Variants in PDE1C observed in about 807,000 individuals in gnomAD.
The protein encoded by PDE1C is phosphodiesterase 1C, also known as dual specificity calcium/calmodulin-dependent 3',5'-cyclic nucleotide phosphodiesterase 1C.
Under a neutral mutation model 93.1 loss-of-function variants are expected in PDE1C, and 62 were observed. The observed-to-expected ratio is 0.67, with a 90% CI of 0.54 to 0.82. PDE1C has a LOEUF of 0.82. Ranked by LOEUF, PDE1C falls within the 40% of genes least tolerant of loss-of-function variation. The pLI is 0.00. For missense variants in PDE1C, 742 were observed against 884.6 expected (o/e 0.84, Z 2.04); for synonymous variants, 325 against 310.1 (o/e 1.05, Z -0.50).
At chr7:32,317,417 G>A (rs920695528) in intron 1 of PDE1C, among the ~76,000 whole-genome samples, 4 of 152,046 alleles carry the variant, frequency 2.6e-5, no homozygotes, top group Non-Finnish European at 5.9e-5. Flanking sequence ...TCCTCTCAAA[G>A]GCTCAATCCA....
chr7:31,814,378 G>T (rs1221775337), intron 15 of PDE1C, among the ~76,000 whole-genome samples: 1 of 151,960 alleles, frequency 6.6e-6, no homozygotes, highest in Non-Finnish European at 1.5e-5. Context: ...TCTCCAGAAG[G>T]GGGCAGGACG....
chr7:32,418,926 A>C (rs1583433275), intron 1 of PDE1C, among the ~76,000 whole-genome samples: 3 of 152,162 alleles, frequency 2.0e-5, no homozygotes, highest in Admixed American at 1.3e-4. Context: ...AGAATAAATG[A>C]ATCTGTTATG....
chr7:31,641,466 A>G, the PDE1C span, among the ~76,000 whole-genome samples: 10 of 148,176 alleles, frequency 6.7e-5, no homozygotes, highest in Admixed American at 5.4e-4. Flanking sequence ...AGCATTTCTC[A>G]TTAAAGAAGA....
At chr7:31,700,455 A>G in the PDE1C span, among the ~76,000 whole-genome samples, 1 of 152,216 alleles carries the variant, frequency 6.6e-6, no homozygotes, top group Non-Finnish European at 1.5e-5. Flanking sequence ...GATTCATGAT[A>G]TTTAAGGAAA....
intron 2 of PDE1C, among the ~76,000 whole-genome samples, chr7:32,193,574 G>A (rs1418264583): frequency 6.6e-6 from 1 of 151,984 alleles, no homozygotes; most frequent in Non-Finnish European, 1.5e-5. Flanking sequence ...AAAGATTTTT[G>A]CATCTATATT....
At chr7:31,766,200 C>T (rs748614877) in intron 17 of PDE1C, among the ~76,000 whole-genome samples, 1 of 151,986 alleles carries the variant, frequency 6.6e-6, no homozygotes, top group Non-Finnish European at 1.5e-5. Context: ...CTGGCTAACA[C>T]AGTGAAACCC....
At chr7:31,785,244 C>A (rs1362109022) in intron 16 of PDE1C, 1 of 152,176 alleles carries the variant, frequency 6.6e-6, no homozygotes, top group Non-Finnish European at 1.5e-5. Flanking sequence ...ATTCACCCCA[C>A]AAAGGGGGAC....
In PDE1C at chr7:32,289,711, T is replaced by C. The variant is rs543346844; in HGVS notation, c.85+8940A>G. On this transcript the variant is annotated intron_variant, in intron 1 of 18. Transcript: ENST00000396193. ...ACCTTGAGCAAGTCACTTCTCCATCTGTCTAATTTCAGCTTGTGAATGCTG... is the reference window on the plus strand; with the variant it reads ...ACCTTGAGCAAGTCACTTCTCCATCCGTCTAATTTCAGCTTGTGAATGCTG... Among the ~76,000 whole-genome samples the C allele has an allele frequency of 7.2e-5, 11 of 152,288 alleles. No homozygotes were observed. The East Asian group carries it at 2.1e-3, about 29-fold the overall frequency.
At chr7:31,719,821 C>A in the PDE1C span, among the ~76,000 whole-genome samples, 1 of 152,194 alleles carries the variant, frequency 6.6e-6, no homozygotes, top group Non-Finnish European at 1.5e-5. Context: ...TGCTGCTCTA[C>A]CCTAGGCTCT....
upstream of PDE1C, among the ~76,000 whole-genome samples, chr7:32,300,754 C>A (rs753317973): frequency 6.6e-5 from 10 of 152,058 alleles, no homozygotes; most frequent in Non-Finnish European, 8.8e-5. Flanking sequence ...ATTGTTGCCA[C>A]CATTAATTTT....
intron 3 of PDE1C, among the ~76,000 whole-genome samples, chr7:32,131,359 C>A (rs967477840): frequency 6.6e-6 from 1 of 152,066 alleles, no homozygotes; most frequent in Non-Finnish European, 1.5e-5. Flanking sequence ...TTCTATATCT[C>A]CAGGATCTGG....
At chr7:32,072,561 C>A (rs551392508), upstream of PDE1C, among the ~76,000 whole-genome samples, 1 of 152,172 alleles carries the variant, frequency 6.6e-6, no homozygotes, top group African/African-American at 2.4e-5. Context: ...TGGGGTATTT[C>A]CATTAGTGTG....
chr7:32,095,061 G>A (rs561500634), intron 3 of PDE1C, among the ~76,000 whole-genome samples: 1 of 152,288 alleles, frequency 6.6e-6, no homozygotes, highest in East Asian at 1.9e-4. Flanking sequence ...AGAAAGTAAT[G>A]TGCCCCTCTA....
intron 17 of PDE1C, among the ~76,000 whole-genome samples, chr7:31,756,030 G>A (rs1420540127): frequency 6.6e-6 from 1 of 152,138 alleles, no homozygotes; most frequent in South Asian, 2.1e-4. Flanking sequence ...GCTGGGTGTG[G>A]TGGTTGGTGC....
At chr7:31,648,795 A>G in the PDE1C span, among the ~76,000 whole-genome samples, 1 of 152,232 alleles carries the variant, frequency 6.6e-6, no homozygotes, top group Non-Finnish European at 1.5e-5. Flanking sequence ...GGGACAAGCA[A>G]CTTATCCTTG....
At chr7:31,789,293 T>C in intron 16 of PDE1C, 1 of 152,242 alleles carries the variant, frequency 6.6e-6, no homozygotes. Flanking sequence ...TTATTCGTGC[T>C]ATTAATCCAC....
At chr7:31,873,232 A>T (rs1056295746) in intron 6 of PDE1C, 60 bp downstream of exon 6, 1 of 1,018,844 alleles carries the variant, frequency 9.8e-7, no homozygotes, top group Non-Finnish European at 1.5e-6. Flanking sequence ...CCCAAAAGTC[A>T]TATGAGGATA....
intron 1 of PDE1C, among the ~76,000 whole-genome samples, chr7:32,411,667 G>A (rs1055973767): frequency 6.6e-6 from 1 of 152,068 alleles, no homozygotes; most frequent in African/African-American, 2.4e-5. Context: ...GTACACTTAG[G>A]CGACACTAAA....
At chr7:32,061,631 G>A (rs1170739124) in intron 1 of PDE1C, among the ~76,000 whole-genome samples, 2 of 152,198 alleles carry the variant, frequency 1.3e-5, no homozygotes, top group Non-Finnish European at 2.9e-5. Flanking sequence ...CCGTGATGAG[G>A]GCTCATCCCA....
Sources: gnomAD v4.1 joint callset for allele counts (sites outside exome capture counted in the v4.1 genomes callset) on GRCh38, gnomAD v4.1.1 for gene constraint, MANE v1.5 for transcripts, NCBI Gene and HGNC (gene_info 2026-07-23, HGNC 2026-07-21) for gene names.